Variants in RPS6KA4 observed in about 807,000 individuals in gnomAD.
RPS6KA4 encodes ribosomal protein S6 kinase A4, also known as ribosomal protein S6 kinase alpha-4.
RPS6KA4 carries 38 observed loss-of-function variants against 89.6 expected under a neutral mutation model. That is an observed-to-expected ratio of 0.42 (90% confidence interval 0.33 to 0.56). RPS6KA4 has a LOEUF of 0.56. RPS6KA4 is among the 20% of genes least tolerant of loss of function. RPS6KA4 has a pLI of 0.07. For synonymous variants in RPS6KA4, 495 were observed against 492.8 expected (o/e 1.00, Z -0.06); for missense variants, 873 against 1,098.8 (o/e 0.79, Z 2.90).
At position 64,365,289 on chromosome 11, in the gene RPS6KA4, C is replaced by G; in HGVS notation, c.907-12C>G. The G allele has an allele frequency of 6.2e-7, 1 of 1,609,772 alleles. No homozygotes were observed. Among genetic ancestry groups the G allele is most frequent in the Non-Finnish European group, 8.5e-7 (1 of 1,177,226 alleles). ...GGCCTTTGACACCTGACCTCTGATT[C>G]CCTTCCCTCAGGGCCTCGATTGGGT... On this transcript the variant is annotated splice_polypyrimidine_tract_variant and intron_variant, in intron 8 of 16. Transcript: ENST00000334205.
Position 64,359,405 on chromosome 11 carries a change from T to A in RPS6KA4, c.83T>A (p.Val28Glu). Residue 28 changes from valine to glutamate, a missense_variant, in exon 2 of 17, where the codon GTG becomes GAG. Physicochemically the swap from Val to Glu is moderately radical, Grantham distance 121. Coordinates refer to ENST00000334205, the MANE Select transcript of RPS6KA4 (RefSeq NM_003942.3). ...EANLTGHEEK[V>E]SVENFELLKV... The stretch of plus-strand genomic sequence containing the variant: ...AACCTGACCGGGCACGAGGAGAAGG[T>A]GAGCGTGGAGAACTTCGAGCTGCTC... 1 of 1,613,454 alleles carries A rather than the reference T, an allele frequency of 6.2e-7. No homozygotes were observed.
At chr11:64,362,473 C>T (rs574580873) in intron 8 of RPS6KA4, among the ~76,000 whole-genome samples, 1 of 152,354 alleles carries the variant, frequency 6.6e-6, no homozygotes, top group Admixed American at 6.5e-5. Flanking sequence ...GACGGTTGAT[C>T]AGCACACATG....
chr11:64,365,194 A>G lies in RPS6KA4; in HGVS notation c.907-107A>G, dbSNP rs1591314146. On this transcript the variant is annotated intron_variant, in intron 8 of 16. Transcript: ENST00000334205. Reference sequence around the variant, plus strand: ...GGAACAGCTGCCCACCCCAAATGCCAGATGGGCCCTTGCCTCATGGAGGAA... The same window carrying G: ...GGAACAGCTGCCCACCCCAAATGCCGGATGGGCCCTTGCCTCATGGAGGAA... 3.7e-6 allele frequency: 5 copies of G among 1,335,952 alleles called. No homozygotes were observed. In the East Asian group the frequency reaches 7.0e-5, roughly 19 times the overall value. The allele number at this position is 1,335,952 out of a possible 1,614,324, so 82.8% of individuals were successfully genotyped here.
intron 9 of RPS6KA4, among the ~76,000 whole-genome samples, chr11:64,365,846 C>A (rs1190661178): frequency 6.6e-6 from 1 of 152,066 alleles, no homozygotes; most frequent in Non-Finnish European, 1.5e-5. Flanking sequence ...CGAGACCAGC[C>A]TGGCCAACAT....
chr11:64,359,711 G>T lies in RPS6KA4; in HGVS notation c.127+262G>T, dbSNP rs2036689861. On this transcript the variant is annotated intron_variant, in intron 2 of 16. Coordinates refer to ENST00000334205, the MANE Select transcript of RPS6KA4 (RefSeq NM_003942.3). ...CAACACCCTGGGGAGGGGGACTGGC[G>T]CCCCTCTCAAGTGATTTGCATAGCT... 5.4e-6 allele frequency: 3 copies of T among 558,114 alleles called. No individual in the cohort carries two copies. In the African/African-American group the frequency reaches 5.7e-5, roughly 11 times the overall value. 34.6% of individuals were successfully genotyped at this position (558,114 alleles called of 1,614,324 possible).
chr11:64,367,778 C>A (rs528048434), intron 9 of RPS6KA4, among the ~76,000 whole-genome samples: 1 of 152,274 alleles, frequency 6.6e-6, no homozygotes, highest in South Asian at 2.1e-4. Context: ...TTTTTTTCCT[C>A]AGCGGATAGA....
At chr11:64,369,984 A>C in intron 14 of RPS6KA4, 91 bp downstream of exon 14, 1 of 1,332,374 alleles carries the variant, frequency 7.5e-7, no homozygotes. Flanking sequence ...GACAGGGGTC[A>C]TCTTGGTGGG....
rs1591322269 is a variant in RPS6KA4 at position 64,370,904 on chromosome 11, G to T, written c.2121+178G>T. Among the ~76,000 whole-genome samples, 1 of 152,066 alleles carries T rather than the reference G, an allele frequency of 6.6e-6. No individual in the cohort carries two copies. On this transcript the variant is annotated intron_variant, in intron 16 of 16. Transcript: ENST00000334205. This position sits in a 1 kb window ranked among gnomAD's most constrained non-coding sequence, Gnocchi z 4.1. ...GCGGATCACGAGGTCAGGGGTTCGA[G>T]ACCAGCCTGAACAACATGGTGAAAC...
chr11:64,371,211 A>C (rs1484406191), intron 16 of RPS6KA4, 72 bp from the exon 17 acceptor site: 2 of 1,476,282 alleles, frequency 1.4e-6, no homozygotes, highest in East Asian at 4.6e-5. Flanking sequence ...AGGTCTGGGA[A>C]TGGAGGTCAA....
chr11:64,361,628 GC>G lies in RPS6KA4; in HGVS notation c.652-13del. On this transcript the variant is annotated splice_polypyrimidine_tract_variant and intron_variant, in intron 6 of 16. Transcript: ENST00000334205. The surrounding 1 kb of genome is among the most constrained non-coding windows in gnomAD (Gnocchi z 4.7). ...AGGGGAGATGCAGGCCCTCACCCCG[GC>G]TCCACCCGGCAGGCTGTGGACTGGT... The G allele has an allele frequency of 6.2e-7, 1 of 1,613,294 alleles. No individual in the cohort carries two copies. Among genetic ancestry groups the G allele is most frequent in the African/African-American group, 1.3e-5 (1 of 75,044 alleles).
rs1205231578 is a variant in RPS6KA4, at chr11:64,359,304, C to T, written c.55+14C>T. 1.3e-5 allele frequency: 21 copies of T among 1,597,574 alleles called. No individual in the cohort carries two copies. Among genetic ancestry groups the T allele is most frequent in the Non-Finnish European group, 1.7e-5 (20 of 1,171,908 alleles). On this transcript the variant is annotated intron_variant, in intron 1 of 16. Transcript: ENST00000334205. Reference sequence around the variant, plus strand: ...GGATCACAGAAGGTGGGTGTGGGGCCTGACTGCGGCTGCCCGGGGCAGGCC... The same window carrying T: ...GGATCACAGAAGGTGGGTGTGGGGCTTGACTGCGGCTGCCCGGGGCAGGCC...
rs755269861 is a variant in RPS6KA4, at chr11:64,371,383, C to T, written c.2222C>T (p.Ser741Phe). ...RKQKLRSATA[S>F]RRGSPAPANP... is the part of the protein sequence containing the mutation. ...CAGAAGCTGCGGAGCGCCACCGCCT[C>T]CCGCCGGGGCTCCCCTGCACCAGCC... Residue 741 changes from serine (S) to phenylalanine (F), a missense_variant, in exon 17 of 17, where the codon TCC becomes TTC. Coordinates refer to ENST00000334205, the MANE Select transcript of RPS6KA4 (RefSeq NM_003942.3). 1 of 1,612,086 alleles carries T rather than the reference C, an allele frequency of 6.2e-7. No individual in the cohort carries two copies. The highest frequency in any genetic ancestry group is 1.3e-5 in the African/African-American group (1 of 75,042).
intron 12 of RPS6KA4, 86 bp downstream of exon 12, chr11:64,368,883 A>G (rs2036969191): frequency 8.0e-7 from 1 of 1,245,202 alleles, no homozygotes; most frequent in East Asian, 2.6e-5. Context: ...CTAGGGGTGA[A>G]TTGGGCGGGG....
Position 64,361,920 on chromosome 11 carries a change from G to A in RPS6KA4, c.824G>A (p.Arg275Gln), listed in dbSNP as rs767012701. 16 of 1,612,666 alleles carry A rather than the reference G, an allele frequency of 9.9e-6. No homozygotes were observed. Among genetic ancestry groups the A allele is most frequent in the Middle Eastern group, 1.6e-4 (1 of 6,076 alleles). ...IGPVAQDLLQ[R>Q]LLCKDPKKRL... ...CCCGTGGCGCAGGACCTGCTGCAGCGGCTGCTTTGTAAGGATCCTAAGAAG... is the reference window on the plus strand; with the variant it reads ...CCCGTGGCGCAGGACCTGCTGCAGCAGCTGCTTTGTAAGGATCCTAAGAAG... Residue 275 changes from arginine (R) to glutamine (Q), a missense_variant, in exon 8 of 17, where the codon CGG becomes CAG. Physicochemically the swap from Arg to Gln is conservative, Grantham distance 43 (BLOSUM62 1). This residue lies in a region of RPS6KA4 where 542 missense variants were observed against 736.4 expected (regional missense o/e 0.74). Transcript: ENST00000334205. This position sits in a 1 kb window ranked among gnomAD's most constrained non-coding sequence, Gnocchi z 4.7.
intron 12 of RPS6KA4, among the ~76,000 whole-genome samples, chr11:64,369,023 G>A (rs921026943): frequency 6.6e-6 from 1 of 152,194 alleles, no homozygotes; most frequent in Non-Finnish European, 1.5e-5. Context: ...CGGGCGCGAT[G>A]GCTCACGCCT....
At position 64,370,389 on chromosome 11, in the gene RPS6KA4, G is replaced by A. The variant is rs2037028492; in HGVS notation, c.1957+5G>A. On this transcript the variant is annotated splice_donor_5th_base_variant and intron_variant, in intron 15 of 16. Coordinates refer to ENST00000334205, the MANE Select transcript of RPS6KA4 (RefSeq NM_003942.3). This position sits in a 1 kb window ranked among gnomAD's most constrained non-coding sequence, Gnocchi z 4.1. ...AAGCCAAGGAGCTGGTCCGAGGTGC[G>A]GAGCTGGAGGTCATAGACCATGGTT... 6.2e-7 allele frequency: 1 copy of A among 1,610,622 alleles called. No homozygotes were observed. Among genetic ancestry groups the A allele is most frequent in the Non-Finnish European group, 8.5e-7 (1 of 1,178,914 alleles).
chr11:64,359,334 C>A, intron 1 of RPS6KA4, 44 bp downstream of exon 1: 1 of 1,608,878 alleles, frequency 6.2e-7, no homozygotes, highest in Non-Finnish European at 8.5e-7. Context: ...CAGGCCGGGA[C>A]GGGTCATGGA....
At chr11:64,359,488 G>T in intron 2 of RPS6KA4, 39 bp downstream of exon 2, 3 of 1,605,456 alleles carry the variant, frequency 1.9e-6, no homozygotes, top group Non-Finnish European at 2.6e-6. Flanking sequence ...TCCCAGGCGC[G>T]GTGCCCCTGA....
chr11:64,368,429 ACGCGCCG>A (rs777633689), intron 10 of RPS6KA4, 32 bp from the exon 11 acceptor site: 1 of 1,543,760 alleles, frequency 6.5e-7, no homozygotes, highest in East Asian at 2.4e-5. Context: ...GGGACCTCTG[ACGCGCCG>A]CCTTCGCCTT....
Sources: gnomAD v4.1 joint callset for allele counts (sites outside exome capture counted in the v4.1 genomes callset) on GRCh38, gnomAD v4.1.1 for gene constraint, gnomAD v4.1.1 regional missense constraint, Gnocchi (gnomAD v3.1) non-coding constraint, MANE v1.5 for transcripts, NCBI Gene and HGNC (gene_info 2026-07-23, HGNC 2026-07-21) for gene names.